The following CRPPA variants were observed in gnomAD, a reference collection of about 807,000 sequenced individuals.
The protein encoded by CRPPA is D-ribitol-5-phosphate cytidylyltransferase.
In CRPPA, 43 loss-of-function variants were observed where a neutral mutation model predicts 52.0. That is an observed-to-expected ratio of 0.83 (90% CI 0.65 to 1.07). The LOEUF (loss-of-function observed/expected upper bound fraction) is 1.07. CRPPA is among the 50% of genes least tolerant of loss of function. The pLI is 0.00. For missense variants in CRPPA, 629 were observed against 551.7 expected (o/e 1.14, Z -1.40); for synonymous variants, 250 against 203.5 (o/e 1.23, Z -1.94).
At chr7:16,361,212 G>A (rs1360841127) in intron 3 of CRPPA, among the ~76,000 whole-genome samples, 1 of 152,068 alleles carries the variant, frequency 6.6e-6, no homozygotes, top group Non-Finnish European at 1.5e-5. Context: ...TAAAGTAACT[G>A]TTGACAAGGA....
At chr7:16,135,394 T>G (rs980856109) in intron 9 of CRPPA, among the ~76,000 whole-genome samples, 7 of 152,184 alleles carry the variant, frequency 4.6e-5, no homozygotes, top group Non-Finnish European at 1.0e-4. Flanking sequence ...ATAATTATGT[T>G]AAGTGTTTTT....
intron 6 of CRPPA, chr7:16,269,365 T>C (rs1275669987): frequency 6.6e-6 from 1 of 151,626 alleles, no homozygotes; most frequent in African/African-American, 2.4e-5. Context: ...TAACATAAAA[T>C]TGACAAATAG....
chr7:16,180,068 T>A (rs1781380175), intron 9 of CRPPA, among the ~76,000 whole-genome samples: 1 of 152,096 alleles, frequency 6.6e-6, no homozygotes, highest in Admixed American at 6.6e-5. Context: ...ATAAATAAAA[T>A]TTTATTTCAG....
chr7:16,414,208 T>C (rs913710318), intron 1 of CRPPA, among the ~76,000 whole-genome samples: 2 of 152,140 alleles, frequency 1.3e-5, no homozygotes, highest in African/African-American at 2.4e-5. Flanking sequence ...TCAAATCCAC[T>C]GTCAGGAATT....
At chr7:16,147,793 A>G (rs1478702203) in intron 9 of CRPPA, among the ~76,000 whole-genome samples, 1 of 152,168 alleles carries the variant, frequency 6.6e-6, no homozygotes, top group Non-Finnish European at 1.5e-5. Context: ...TACCATTTTT[A>G]TTCTGACTTG....
chr7:16,410,169 T>C (rs913425068), intron 1 of CRPPA, among the ~76,000 whole-genome samples: 19 of 152,230 alleles, frequency 1.2e-4, no homozygotes, highest in Non-Finnish European at 2.4e-4. Flanking sequence ...TAAGGCTCCT[T>C]GAGAGCTGGG....
intron 8 of CRPPA, among the ~76,000 whole-genome samples, chr7:16,240,937 A>G (rs1783090599): frequency 6.6e-6 from 1 of 152,298 alleles, no homozygotes; most frequent in Middle Eastern, 3.4e-3. Flanking sequence ...TATGTTTTTT[A>G]AATTGTCATT....
rs554068005 is a variant in CRPPA, at chr7:16,099,449, G to GA, written c.1252-7651dup. 2.6e-4 allele frequency among the ~76,000 whole-genome samples: 37 copies of GA among 142,600 alleles called. No homozygotes were observed. The East Asian group carries it at 8.2e-3, about 32-fold the overall frequency. The allele number at this position is 142,600 out of a possible 152,430, so 93.6% of individuals were successfully genotyped here. On this transcript the variant is annotated intron_variant, in intron 9 of 9. Coordinates refer to ENST00000407010, the MANE Select transcript of CRPPA (RefSeq NM_001101426.4). ...GAAGGGGAGGGAAAAAGGAGGGAGG[G>GA]AAAAGGGCAGGAAAAACATAAGGAG... is the stretch of plus-strand genomic sequence containing the variant.
chr7:16,213,525 G>C (rs1782209908), intron 9 of CRPPA, among the ~76,000 whole-genome samples: 1 of 151,966 alleles, frequency 6.6e-6, no homozygotes, highest in South Asian at 2.1e-4. Flanking sequence ...GAGGTGGGTG[G>C]ATCACCTGAG....
rs557024489 is a variant in CRPPA at position 16,361,801 on chromosome 7, G to A, written c.684+14291C>T. ...TGTACTTAATGTCACTGAACCACAC[G>A]CTTAATAATTAAAATCGTAAATTTA... is the stretch of plus-strand genomic sequence containing the variant. On this transcript the variant is annotated intron_variant, in intron 3 of 9. Coordinates refer to ENST00000407010, the MANE Select transcript of CRPPA (RefSeq NM_001101426.4). Among the ~76,000 whole-genome samples, 99 of 152,278 alleles carry A rather than the reference G, an allele frequency of 6.5e-4. No individual in the cohort carries two copies. In the South Asian group the frequency reaches 0.019, roughly 30 times the overall value.
chr7:16,399,462 CGA>C (rs1787731932), intron 2 of CRPPA, among the ~76,000 whole-genome samples: 5 of 151,686 alleles, frequency 3.3e-5, no homozygotes, highest in Admixed American at 1.3e-4. Context: ...GTGACTGATA[CGA>C]GATTGACAAG....
intron 2 of CRPPA, among the ~76,000 whole-genome samples, chr7:16,399,689 G>A (rs1361461456): frequency 1.3e-5 from 2 of 151,982 alleles, no homozygotes; most frequent in Admixed American, 6.5e-5. Context: ...CCAGTGACAC[G>A]TGAGCAACAC....
At chr7:16,258,849 A>T in intron 7 of CRPPA, 71 bp downstream of exon 7, 1 of 874,492 alleles carries the variant, frequency 1.1e-6, no homozygotes, top group Non-Finnish European at 1.7e-6. Flanking sequence ...ATAAATATTT[A>T]AGAATCAAAT....
At chr7:16,129,705 T>C (rs555027744) in intron 9 of CRPPA, among the ~76,000 whole-genome samples, 1 of 152,160 alleles carries the variant, frequency 6.6e-6, no homozygotes, top group Non-Finnish European at 1.5e-5. Context: ...AGATTTTGAA[T>C]AAGTAAAAGT....
At chr7:16,302,005 T>C (rs1784797509) in intron 4 of CRPPA, among the ~76,000 whole-genome samples, 1 of 152,198 alleles carries the variant, frequency 6.6e-6, no homozygotes, top group South Asian at 2.1e-4. Flanking sequence ...AGGGTACCAC[T>C]ATGTGTCTAA....
At chr7:16,382,432 T>C (rs1293524492) in intron 2 of CRPPA, among the ~76,000 whole-genome samples, 4 of 152,206 alleles carry the variant, frequency 2.6e-5, no homozygotes, top group South Asian at 4.1e-4. Flanking sequence ...ACATTTTTTC[T>C]TTCATTTCAA....
rs372850606 is a variant in CRPPA, at chr7:16,319,742, T to C, written c.685-11115A>G. Among the ~76,000 whole-genome samples the C allele has an allele frequency of 7.2e-5, 11 of 152,254 alleles. No individual in the cohort carries two copies. The East Asian group carries it at 1.4e-3, about 19-fold the overall frequency. ...TCGGCAGTCAGTAGGCATATGGTTGTTAGTCACTGTTTCTGGCAACACACT... is the reference window on the plus strand; with the variant it reads ...TCGGCAGTCAGTAGGCATATGGTTGCTAGTCACTGTTTCTGGCAACACACT... On this transcript the variant is annotated intron_variant, in intron 3 of 9. Coordinates refer to ENST00000407010, the MANE Select transcript of CRPPA (RefSeq NM_001101426.4).
At chr7:16,419,494 C>A (rs1583594865) in intron 1 of CRPPA, among the ~76,000 whole-genome samples, 2 of 151,900 alleles carry the variant, frequency 1.3e-5, no homozygotes, top group East Asian at 3.9e-4. Flanking sequence ...ACAGGACTAA[C>A]AAATTAGCTA....
At chr7:16,269,404 T>C (rs57031097) in intron 6 of CRPPA, 3 of 151,534 alleles carry the variant, frequency 2.0e-5, no homozygotes, top group African/African-American at 7.3e-5. Context: ...TAGAATAGAG[T>C]GCAAAAGAGG....
Sources: gnomAD v4.1 joint callset for allele counts (sites outside exome capture counted in the v4.1 genomes callset) on GRCh38, gnomAD v4.1.1 for gene constraint, MANE v1.5 for transcripts, NCBI Gene and HGNC (gene_info 2026-07-23, HGNC 2026-07-21) for gene names.